Variants in DSE observed in about 807,000 individuals in gnomAD.
DSE encodes the protein dermatan-sulfate epimerase.
In DSE, 36 loss-of-function variants were observed where a neutral mutation model predicts 84.4. The ratio of observed to expected loss-of-function variants is 0.43; its 90% CI spans 0.33 to 0.56. The LOEUF (loss-of-function observed/expected upper bound fraction) is 0.56. DSE is among the 20% of genes least tolerant of loss of function. DSE has a pLI of 0.06. For synonymous variants in DSE, 410 were observed against 430.1 expected (o/e 0.95, Z 0.58); for missense variants, 862 against 1,169.6 (o/e 0.74, Z 3.84).
intron 2 of DSE, among the ~76,000 whole-genome samples, chr6:116,346,418 A>G (rs1407866138): frequency 2.0e-5 from 3 of 152,200 alleles, no homozygotes; most frequent in Non-Finnish European, 4.4e-5. Context: ...AAGCTTATCC[A>G]CCATGATCAA....
At chr6:116,363,811 C>G (rs1047772248) in intron 2 of DSE, among the ~76,000 whole-genome samples, 4 of 152,148 alleles carry the variant, frequency 2.6e-5, no homozygotes, top group Admixed American at 6.5e-5. Context: ...AAAAATCAAC[C>G]TTATTTCTTC....
At chr6:116,382,737 G>C (rs1583139690) in intron 1 of DSE, among the ~76,000 whole-genome samples, 1 of 152,170 alleles carries the variant, frequency 6.6e-6, no homozygotes, top group East Asian at 1.9e-4. Flanking sequence ...GTCAGTTGGA[G>C]ATGATAAGTG....
At chr6:116,303,317 C>A (rs997161696) in intron 2 of DSE, among the ~76,000 whole-genome samples, 2 of 152,064 alleles carry the variant, frequency 1.3e-5, no homozygotes, top group Non-Finnish European at 2.9e-5. Flanking sequence ...CCCTTCTGCC[C>A]CCTTACACAC....
intron 2 of DSE, among the ~76,000 whole-genome samples, chr6:116,352,908 T>TC (rs1018775081): frequency 3.9e-5 from 6 of 151,990 alleles, no homozygotes; most frequent in Non-Finnish European, 5.9e-5. Flanking sequence ...TCTTTCTCCT[T>TC]CCCCCCTCCT....
intron 2 of DSE, among the ~76,000 whole-genome samples, chr6:116,348,345 T>C (rs1051775400): frequency 1.9e-4 from 29 of 151,156 alleles, no homozygotes; most frequent in African/African-American, 7.1e-4. Flanking sequence ...GAGAATGGCG[T>C]GAACCTGGGA....
At chr6:116,328,781 A>G (rs1310707499) in intron 2 of DSE, among the ~76,000 whole-genome samples, 1 of 152,162 alleles carries the variant, frequency 6.6e-6, no homozygotes, top group African/African-American at 2.4e-5. Flanking sequence ...CTGCTGTTTA[A>G]AAGGAAGTGA....
At chr6:116,351,060 T>G (rs983741361) in intron 2 of DSE, among the ~76,000 whole-genome samples, 2 of 152,230 alleles carry the variant, frequency 1.3e-5, no homozygotes, top group Non-Finnish European at 2.9e-5. Flanking sequence ...ATTATTGCTA[T>G]TATAGTTTGT....
chr6:116,298,222 C>G (rs1007587382), intron 2 of DSE, among the ~76,000 whole-genome samples: 1 of 152,116 alleles, frequency 6.6e-6, no homozygotes, highest in Non-Finnish European at 1.5e-5. Flanking sequence ...ATGCCCTCCC[C>G]CCAGGAAAGA....
At chr6:116,410,380 G>A (rs1782241921) in intron 2 of DSE, among the ~76,000 whole-genome samples, 1 of 152,008 alleles carries the variant, frequency 6.6e-6, no homozygotes, top group African/African-American at 2.4e-5. Flanking sequence ...ATCCAAATGT[G>A]CATCTCTAGG....
At chr6:116,310,530 G>A (rs1775631385) in intron 2 of DSE, among the ~76,000 whole-genome samples, 1 of 151,840 alleles carries the variant, frequency 6.6e-6, no homozygotes, top group Non-Finnish European at 1.5e-5. Flanking sequence ...TCCTCATCTT[G>A]GTCCACGGCT....
At chr6:116,265,916 C>T (rs746830461) in intron 2 of DSE, among the ~76,000 whole-genome samples, 11 of 152,146 alleles carry the variant, frequency 7.2e-5, no homozygotes, top group Non-Finnish European at 1.0e-4. Context: ...GCTTGCTGCC[C>T]CTACCCCTTC....
rs1187624068 is a variant in DSE, at chr6:116,370,977, T to C, written c.-198T>C. ...CGTCGCCCGAGGCTGCAGCAGCGCA[T>C]CCCGGGGCATGGCGCGGCGGGGGCG... is the stretch of plus-strand genomic sequence containing the variant. On this transcript the variant is annotated 5_prime_UTR_variant, in exon 1 of 6. Transcript: ENST00000644252. The C allele has an allele frequency of 1.0e-6, 1 of 984,680 alleles. No individual in the cohort carries two copies. 61.0% of individuals were successfully genotyped at this position (984,680 alleles called of 1,614,324 possible). A position where few individuals can be genotyped will look rare whatever the true frequency, so the allele number is the denominator to read the frequency against.
chr6:116,279,665 T>C (rs1466146962), intron 2 of DSE: 9 of 1,607,050 alleles, frequency 5.6e-6, no homozygotes, highest in African/African-American at 1.3e-5. Flanking sequence ...AGCGCGACGG[T>C]CTCCGAGCCT....
At chr6:116,375,882 A>G (rs2858851) in intron 1 of DSE, among the ~76,000 whole-genome samples, 3,791 of 152,216 alleles carry the variant, frequency 0.025, 153 homozygotes, top group African/African-American at 0.087. Context: ...CTAGTGTCTT[A>G]CCCTCATTTT....
At chr6:116,397,171 T>G (rs1781302562) in intron 1 of DSE, among the ~76,000 whole-genome samples, 1 of 151,988 alleles carries the variant, frequency 6.6e-6, no homozygotes, top group African/African-American at 2.4e-5. Flanking sequence ...ACAGGATTTT[T>G]TTTTAATCGT....
At position 116,399,130 on chromosome 6, in the gene DSE, T is replaced by C. The variant is rs188724938; in HGVS notation, c.-53-68T>C. 17 of 1,298,532 alleles carry C rather than the reference T, an allele frequency of 1.3e-5. No homozygotes were observed. In the Admixed American group the frequency reaches 2.8e-4, roughly 21 times the overall value. 80.4% of individuals were successfully genotyped at this position (1,298,532 alleles called of 1,614,324 possible). A position where few individuals can be genotyped will look rare whatever the true frequency, so the allele number is the denominator to read the frequency against. On this transcript the variant is annotated intron_variant, in intron 1 of 5. Transcript: ENST00000644252. ...TTTCACATATGGTTTCTACCTCTTA[T>C]ATGTTTCCACACCTGTGCCATGTTC...
intron 2 of DSE, among the ~76,000 whole-genome samples, chr6:116,414,869 C>T (rs1364534783): frequency 1.0e-5 from 1 of 97,092 alleles, no homozygotes; most frequent in Non-Finnish European, 2.1e-5. Flanking sequence ...TCTCTAGTGA[C>T]CAGCCAGACT....
At chr6:116,383,689 TC>T (rs1780392522) in intron 1 of DSE, among the ~76,000 whole-genome samples, 1 of 152,256 alleles carries the variant, frequency 6.6e-6, no homozygotes, top group East Asian at 1.9e-4. Context: ...TTATCATTCA[TC>T]TTCCTTACAG....
chr6:116,275,509 A>G (rs1481762496), intron 2 of DSE, among the ~76,000 whole-genome samples: 1 of 152,194 alleles, frequency 6.6e-6, no homozygotes, highest in Non-Finnish European at 1.5e-5. Flanking sequence ...GCAAAACATT[A>G]TGCTAGATGG....
Sources: allele counts gnomAD v4.1 joint callset (sites outside exome capture counted in the v4.1 genomes callset), GRCh38; gene constraint gnomAD v4.1.1; transcripts MANE v1.5; gene names NCBI Gene and HGNC (gene_info 2026-07-23, HGNC 2026-07-21).